DGKZ: variants seen among roughly 807,000 people sequenced by gnomAD.
The protein encoded by DGKZ is diacylglycerol kinase zeta, also known as DAG kinase zeta.
DGKZ carries 45 observed loss-of-function variants against 142.5 expected under a neutral mutation model. The observed-to-expected ratio is 0.32, with a 90% confidence interval of 0.25 to 0.40. The LOEUF (loss-of-function observed/expected upper bound fraction) is 0.40, where lower values mean the gene tolerates loss of function less well. Ranked by LOEUF, DGKZ falls within the 10% of genes least tolerant of loss-of-function variation. The pLI is 1.00. For synonymous variants in DGKZ, 442 were observed against 527.0 expected, an observed-to-expected ratio of 0.84 and a Z score of 2.21; for missense variants, 755 against 1,306.5, an observed-to-expected ratio of 0.58 and a Z score of 6.51.
intron 1 of DGKZ, among the ~76,000 whole-genome samples, chr11:46,349,337 A>G (rs1473002451): frequency 1.3e-5 from 2 of 152,086 alleles, no homozygotes; most frequent in Admixed American, 1.3e-4. Flanking sequence ...CAGGCTCCGC[A>G]GGGGGAGGGA....
chr11:46,379,269 C>T (rs753815113), intron 29 of DGKZ, 33 bp downstream of exon 29: 11 of 1,612,498 alleles, frequency 6.8e-6, no homozygotes, highest in Non-Finnish European at 6.8e-6. Flanking sequence ...ACCGTGGTCA[C>T]CCCGGAAACC....
intron 25 of DGKZ, 171 bp downstream of exon 25, chr11:46,377,383 G>A (rs567330832): frequency 7.6e-5 from 96 of 1,269,682 alleles, no homozygotes; most frequent in Middle Eastern, 1.9e-4. Flanking sequence ...GTGGGGAAGC[G>A]GCCTCACGTC....
rs781146165 is a variant in DGKZ at position 46,379,209 on chromosome 11, C to T, written c.2546C>T (p.Pro849Leu). Residue 849 changes from proline to leucine, a missense_variant, in exon 29 of 31, where the codon CCA becomes CTA. By Grantham distance (98) the Pro-to-Leu change is moderately conservative (BLOSUM62 -3). Around this residue, in one of 8 missense-constraint regions of DGKZ, gnomAD observed 100 missense variants for 87.7 expected, o/e 1.14. Coordinates refer to ENST00000527911, the Ensembl canonical transcript of DGKZ. ...ACCACCTCCCCTTCTCCAGCCCCCC[C>T]AGAGATCCTTGATGCGGTGGAGGAA... The T allele has an allele frequency of 1.4e-5, 22 of 1,613,006 alleles. No individual in the cohort carries two copies. In the Admixed American group the frequency reaches 3.5e-4, roughly 26 times the overall value.
intron 4 of DGKZ, 24 bp downstream of exon 4, chr11:46,368,103 C>A: frequency 6.2e-7 from 1 of 1,613,132 alleles, no homozygotes; most frequent in South Asian, 1.1e-5. Context: ...TCAGCTTTGC[C>A]CGCCCCTGCC....
intron 25 of DGKZ, chr11:46,377,980 C>T (rs1043896168): frequency 3.2e-6 from 2 of 617,138 alleles, no homozygotes; most frequent in Middle Eastern, 3.9e-4. Flanking sequence ...ATTTATTTGA[C>T]TTGTTTGTAT....
exon 23 of DGKZ, chr11:46,376,333 C>A (rs750130100): frequency 6.2e-7 from 1 of 1,614,030 alleles, no homozygotes; most frequent in Admixed American, 1.7e-5. Context: ...AACAGGAGCC[C>A]GATGGTGCTG....
intron 1 of DGKZ, among the ~76,000 whole-genome samples, chr11:46,355,004 A>G (rs932851660): frequency 6.6e-6 from 1 of 152,196 alleles, no homozygotes; most frequent in East Asian, 1.9e-4. Context: ...TGTTCTCTCC[A>G]CCAGTGCTTG....
exon 1 of DGKZ, chr11:46,333,021 G>A (rs1939846514): frequency 3.0e-6 from 1 of 337,414 alleles, no homozygotes; most frequent in Non-Finnish European, 5.3e-6. Context: ...GCGGCGCGCA[G>A]AGCGCAGCAC....
At position 46,372,185 on chromosome 11, in the gene DGKZ, G is replaced by A. The variant is rs1450067915; in HGVS notation, c.927+15G>A. On this transcript the variant is annotated intron_variant, in intron 10 of 30. Coordinates refer to ENST00000527911, the Ensembl canonical transcript of DGKZ. This position sits in a 1 kb window ranked among gnomAD's most constrained non-coding sequence, Gnocchi z 5.9. ...GGGGCAACCAGGTGAACGCGGCCTTGCCTCTCAGCTAAGGGCTCGGGCGGG... is the reference window on the plus strand; with the variant it reads ...GGGGCAACCAGGTGAACGCGGCCTTACCTCTCAGCTAAGGGCTCGGGCGGG... 6.3e-7 allele frequency: 1 copy of A among 1,594,462 alleles called. No individual in the cohort carries two copies. The highest frequency in any genetic ancestry group is 1.1e-5 in the South Asian group (1 of 88,958).
upstream of DGKZ, among the ~76,000 whole-genome samples, chr11:46,344,803 G>A (rs1022757675): frequency 1.3e-5 from 2 of 152,036 alleles, no homozygotes; most frequent in East Asian, 3.9e-4. Flanking sequence ...AAATCTCCCT[G>A]GCACATGTAT....
chr11:46,363,356 A>G (rs1001012856), intron 1 of DGKZ, among the ~76,000 whole-genome samples: 1 of 152,102 alleles, frequency 6.6e-6, no homozygotes, highest in African/African-American at 2.4e-5. Flanking sequence ...CAGCTCAGCC[A>G]CTCTGACAGC....
intron 25 of DGKZ, 184 bp from the exon 26 acceptor site, chr11:46,378,014 A>T (rs1449874735): frequency 2.9e-6 from 2 of 700,752 alleles, no homozygotes; most frequent in Non-Finnish European, 4.9e-6. Context: ...TGTAAGCTCC[A>T]TGAGGGCAAG....
chr11:46,355,026 T>C (rs1941836452), intron 1 of DGKZ, among the ~76,000 whole-genome samples: 1 of 152,282 alleles, frequency 6.6e-6, no homozygotes, highest in Non-Finnish European at 1.5e-5. Context: ...TCACAGGGTC[T>C]GTGTATTTTC....
At position 46,366,781 on chromosome 11, in the gene DGKZ, C is replaced by T. The variant is rs962439411; in HGVS notation, c.162-510C>T. ...TCCCCGCGGATGCCGTATATGACCA[C>T]GCTCTCTGGGGCCTGCACGGCTACT... On this transcript the variant is annotated intron_variant, in intron 1 of 30. Transcript: ENST00000527911. 2.4e-5 allele frequency: 37 copies of T among 1,548,128 alleles called. No individual in the cohort carries two copies. The highest frequency in any genetic ancestry group is 2.9e-5 in the Non-Finnish European group (33 of 1,148,964).
intron 1 of DGKZ, among the ~76,000 whole-genome samples, chr11:46,339,338 T>C (rs1940166344): frequency 6.6e-6 from 1 of 152,178 alleles, no homozygotes; most frequent in South Asian, 2.1e-4. Context: ...GAATTAACAA[T>C]GCAAAACCAG....
At chr11:46,370,119 C>A in intron 6 of DGKZ, 110 bp downstream of exon 6, 1 of 1,362,808 alleles carries the variant, frequency 7.3e-7, no homozygotes, top group East Asian at 2.3e-5. Context: ...GTGCAGAGTC[C>A]GGGGCTGACC....
chr11:46,379,549 T>C, exon 30 of DGKZ: 2 of 1,610,146 alleles, frequency 1.2e-6, no homozygotes, highest in Non-Finnish European at 8.5e-7. Flanking sequence ...GGGGCCTCGC[T>C]CATGAAGACA....
rs770879090 is a variant in DGKZ at position 46,372,906 on chromosome 11, G to T, written c.1185+22G>T. 2 of 1,561,490 alleles carry T rather than the reference G, an allele frequency of 1.3e-6. No individual in the cohort carries two copies. Among genetic ancestry groups the T allele is most frequent in the South Asian group, 2.3e-5 (2 of 85,146 alleles). ...TGGGGTAAGCACCCATAGGAGGGGG[G>T]TGCAGCTGGGGCCTCTCCAGCCACA... On this transcript the variant is annotated intron_variant, in intron 13 of 30. Coordinates refer to ENST00000527911, the Ensembl canonical transcript of DGKZ. The surrounding 1 kb of genome is among the most constrained non-coding windows in gnomAD (Gnocchi z 5.9).
intron 1 of DGKZ, chr11:46,366,300 G>T: frequency 6.3e-7 from 1 of 1,583,052 alleles, no homozygotes; most frequent in Non-Finnish European, 8.5e-7. Context: ...AAGGTGCCAG[G>T]CCCTGGAGAG....
Sources: allele counts gnomAD v4.1 joint callset (sites outside exome capture counted in the v4.1 genomes callset), GRCh38; gene constraint gnomAD v4.1.1; regional missense constraint gnomAD v4.1.1; non-coding constraint Gnocchi (gnomAD v3.1); transcripts MANE v1.5; gene names NCBI Gene and HGNC (gene_info 2026-07-23, HGNC 2026-07-21).